The following NLGN1 variants were observed in gnomAD, a reference collection of about 807,000 sequenced individuals.
NLGN1 encodes the protein neuroligin-1.
In NLGN1, 12 loss-of-function variants were observed where a neutral mutation model predicts 65.5. The observed-to-expected ratio is 0.18, with a 90% confidence interval of 0.12 to 0.30. The LOEUF (loss-of-function observed/expected upper bound fraction) is 0.30. Ranked by LOEUF, NLGN1 falls within the 10% of genes least tolerant of loss-of-function variation. The probability of loss-of-function intolerance (pLI) is 1.00; values close to 1 mark genes in which losing one functional copy is unlikely to be tolerated. For missense variants in NLGN1, 750 were observed against 1,007.1 expected (o/e 0.74, Z 3.46); for synonymous variants, 350 against 359.5 (o/e 0.97, Z 0.30).
chr3:174,054,965 C>T (rs1042329823), intron 4 of NLGN1, among the ~76,000 whole-genome samples: 13 of 151,886 alleles, frequency 8.6e-5, no homozygotes, highest in African/African-American at 2.9e-4. Flanking sequence ...CTTTCTTCTG[C>T]TCCCGACTAA....
intron 3 of NLGN1, among the ~76,000 whole-genome samples, chr3:173,649,073 TAAG>T (rs1758731837): frequency 1.3e-5 from 2 of 152,240 alleles, no homozygotes; most frequent in South Asian, 4.1e-4. Flanking sequence ...AACTCAGTAA[TAAG>T]AAGGAATTAA....
chr3:173,725,833 G>A (rs2150028258), intron 3 of NLGN1, among the ~76,000 whole-genome samples: 1 of 152,124 alleles, frequency 6.6e-6, no homozygotes, highest in South Asian at 2.1e-4. Context: ...TCTCCTTATA[G>A]TTTTAGAGTT....
intron 4 of NLGN1, among the ~76,000 whole-genome samples, chr3:174,234,662 A>G (rs920340934): frequency 1.3e-5 from 2 of 152,156 alleles, no homozygotes; most frequent in East Asian, 1.9e-4. Flanking sequence ...TAGAGAAACA[A>G]TGTAACAACT....
rs1428667314 is a variant in NLGN1 at position 173,615,361 on chromosome 3, A to G, written c.493+10270A>G. ...AGTGCCCCATCTGGCACTTTGGGAA[A>G]GAGATGTTCTTTGCCCTCAGAGGGT... On this transcript the variant is annotated intron_variant, in intron 3 of 6. Coordinates refer to ENST00000457714, the Ensembl canonical transcript of NLGN1. Among the ~76,000 whole-genome samples the G allele has an allele frequency of 2.6e-5, 4 of 152,132 alleles. No individual in the cohort carries two copies. The East Asian group carries it at 7.7e-4, about 29-fold the overall frequency.
In NLGN1 at chr3:174,030,182, A is replaced by G. The variant is rs112087012; in HGVS notation, c.646+222350A>G. Among the ~76,000 whole-genome samples the G allele has an allele frequency of 8.1e-3, 1,195 of 146,930 alleles. 15 individuals carry two copies. The highest frequency in any genetic ancestry group is 0.028 in the African/African-American group (1,114 of 39,102). On this transcript the variant is annotated intron_variant, in intron 4 of 6. Transcript: ENST00000457714. ...CTCTTGTTGTCCAGGCTGGAGTGCA[A>G]TGGCACAATCTCAGCTCACTGCAAC...
intron 4 of NLGN1, among the ~76,000 whole-genome samples, chr3:174,217,192 G>A (rs1043288406): frequency 2.0e-4 from 30 of 152,074 alleles, no homozygotes; most frequent in African/African-American, 7.2e-4. Context: ...GATGTCACAT[G>A]GGGTTCTTCC....
chr3:174,177,546 A>C (rs1729675261), intron 4 of NLGN1, among the ~76,000 whole-genome samples: 1 of 152,052 alleles, frequency 6.6e-6, no homozygotes, highest in Non-Finnish European at 1.5e-5. Flanking sequence ...ATTATAAGTC[A>C]GTGTCTTCAG....
Position 173,600,489 on chromosome 3 carries a change from A to G in NLGN1, c.-320-3790A>G, listed in dbSNP as rs570393705. 5.9e-5 allele frequency among the ~76,000 whole-genome samples: 9 copies of G among 152,132 alleles called. No homozygotes were observed. The East Asian group carries it at 1.7e-3, about 29-fold the overall frequency. ...GATATTTTTTAAAACACATATGCAA[A>G]GTCTTGCCCCAGGTAAGAAATTTAG... On this transcript the variant is annotated intron_variant, in intron 2 of 6. Transcript: ENST00000457714.
chr3:174,044,040 A>G (rs187122459), intron 4 of NLGN1, among the ~76,000 whole-genome samples: 1 of 152,278 alleles, frequency 6.6e-6, no homozygotes, highest in East Asian at 1.9e-4. Context: ...GAAGCTGCCG[A>G]GGCTTAGGGC....
intron 4 of NLGN1, among the ~76,000 whole-genome samples, chr3:173,866,882 G>T (rs1730283156): frequency 6.6e-6 from 1 of 152,132 alleles, no homozygotes; most frequent in African/African-American, 2.4e-5. Flanking sequence ...GTTCCACAAA[G>T]ATAAAGATGT....
exon 7 of NLGN1, chr3:174,281,473 A>T: frequency 5.9e-6 from 3 of 511,322 alleles, no homozygotes; most frequent in South Asian, 3.9e-5. Context: ...TATATATACA[A>T]ATCAACTTTA....
At chr3:174,082,213 A>G (rs1214621160) in intron 4 of NLGN1, among the ~76,000 whole-genome samples, 1 of 152,224 alleles carries the variant, frequency 6.6e-6, no homozygotes, top group Non-Finnish European at 1.5e-5. Context: ...CTGTTGAGGC[A>G]AACCACACAT....
intron 1 of NLGN1, among the ~76,000 whole-genome samples, chr3:173,413,566 C>A (rs1307326173): frequency 6.6e-6 from 1 of 151,964 alleles, no homozygotes; most frequent in Admixed American, 6.6e-5. Flanking sequence ...TGCCACTGTA[C>A]TCCAGCCTGG....
At chr3:173,484,580 G>C (rs1727850838) in intron 2 of NLGN1, among the ~76,000 whole-genome samples, 1 of 152,076 alleles carries the variant, frequency 6.6e-6, no homozygotes, top group Non-Finnish European at 1.5e-5. Context: ...CATATTAAAA[G>C]TCTCCTTCAA....
Position 174,117,545 on chromosome 3 carries a change from C to T in NLGN1, c.647-157770C>T, listed in dbSNP as rs867925439. On this transcript the variant is annotated intron_variant, in intron 4 of 6. Transcript: ENST00000457714. ...CTGAGGCAGGAGAAAGGCGTGAACCCGGGAGGCGGAGTTGGCAGTGAGCCG... is the reference window on the plus strand; with the variant it reads ...CTGAGGCAGGAGAAAGGCGTGAACCTGGGAGGCGGAGTTGGCAGTGAGCCG... Among the ~76,000 whole-genome samples the T allele has an allele frequency of 4.6e-5, 7 of 151,630 alleles. No homozygotes were observed. In the South Asian group the frequency reaches 8.3e-4, roughly 18 times the overall value.
intron 4 of NLGN1, among the ~76,000 whole-genome samples, chr3:173,980,046 A>G (rs1350334703): frequency 6.6e-6 from 1 of 152,108 alleles, no homozygotes; most frequent in East Asian, 1.9e-4. Context: ...GAAGGTTTTG[A>G]AGTAGCATGG....
chr3:173,745,649 A>G (rs1775254038), intron 3 of NLGN1, among the ~76,000 whole-genome samples: 1 of 152,002 alleles, frequency 6.6e-6, no homozygotes, highest in Non-Finnish European at 1.5e-5. Flanking sequence ...TTTATAGATG[A>G]GATTATATGG....
At chr3:173,878,642 A>C (rs1732620772) in intron 4 of NLGN1, among the ~76,000 whole-genome samples, 1 of 148,916 alleles carries the variant, frequency 6.7e-6, no homozygotes, top group Non-Finnish European at 1.5e-5. Flanking sequence ...ATATATACTT[A>C]TATATGTGTA....
At chr3:174,172,861 TA>T (rs1457060140) in intron 4 of NLGN1, among the ~76,000 whole-genome samples, 5 of 152,098 alleles carry the variant, frequency 3.3e-5, no homozygotes, top group African/African-American at 1.2e-4. Flanking sequence ...AAGAATGTCT[TA>T]GGTATTGTGA....
Sources: allele counts gnomAD v4.1 joint callset (sites outside exome capture counted in the v4.1 genomes callset), GRCh38; gene constraint gnomAD v4.1.1; transcripts MANE v1.5; gene names NCBI Gene and HGNC (gene_info 2026-07-23, HGNC 2026-07-21).